DYM: variants seen among roughly 807,000 people sequenced by gnomAD.
DYM encodes dymeclin.
Under a neutral mutation model 93.1 loss-of-function variants are expected in DYM, and 78 were observed. The ratio of observed to expected loss-of-function variants is 0.84; its 90% CI spans 0.70 to 1.01. The LOEUF (loss-of-function observed/expected upper bound fraction) is 1.01. DYM is among the 50% of genes least tolerant of loss of function. DYM has a pLI of 0.00. For missense variants in DYM, 789 were observed against 845.0 expected (o/e 0.93, Z 0.82); for synonymous variants, 321 against 319.7 (o/e 1.00, Z -0.04).
At chr18:49,314,456 G>A (rs987535254) in intron 8 of DYM, among the ~76,000 whole-genome samples, 1 of 152,174 alleles carries the variant, frequency 6.6e-6, no homozygotes, top group Admixed American at 6.5e-5. Flanking sequence ...TGGTACACAC[G>A]TGCGAATTCC....
At chr18:49,116,938 A>G (rs1382199723) in intron 16 of DYM, among the ~76,000 whole-genome samples, 1 of 152,236 alleles carries the variant, frequency 6.6e-6, no homozygotes, top group Non-Finnish European at 1.5e-5. Flanking sequence ...ATTAAAACTC[A>G]GAGTTAACAA....
At chr18:49,175,865 A>G (rs926987980) in intron 14 of DYM, among the ~76,000 whole-genome samples, 1 of 152,202 alleles carries the variant, frequency 6.6e-6, no homozygotes, top group African/African-American at 2.4e-5. Context: ...TATATGTGTG[A>G]TATTTAGTGA....
chr18:49,245,739 T>C (rs1172577205), intron 13 of DYM, among the ~76,000 whole-genome samples: 1 of 152,242 alleles, frequency 6.6e-6, no homozygotes, highest in Non-Finnish European at 1.5e-5. Flanking sequence ...ATGTGATCTT[T>C]GTGACTTACT....
intron 2 of DYM, among the ~76,000 whole-genome samples, chr18:49,397,430 A>G (rs576292136): frequency 2.5e-4 from 38 of 152,364 alleles, no homozygotes; most frequent in African/African-American, 9.1e-4. Context: ...AGGAGTTTAA[A>G]GTAAAATTCC....
intron 17 of DYM, among the ~76,000 whole-genome samples, chr18:49,060,064 A>T (rs2075825461): frequency 6.6e-6 from 1 of 152,220 alleles, no homozygotes. Flanking sequence ...CTTAACATTT[A>T]CTTGGAGAGC....
intron 2 of DYM, among the ~76,000 whole-genome samples, chr18:49,427,759 A>G (rs1364300964): frequency 2.6e-5 from 4 of 152,222 alleles, no homozygotes; most frequent in African/African-American, 9.6e-5. Flanking sequence ...AATGCAGTAT[A>G]TCCATACAAT....
rs915978312 is a variant in DYM at position 49,128,140 on chromosome 18, G to T, written c.1729-9214C>A. ...TTTCCACATCCGGAGAAGAGCCAGA[G>T]AACTCATACAAAGAGTGTTCTGATT... On this transcript the variant is annotated intron_variant, in intron 15 of 17. Transcript: ENST00000675505. 2.6e-5 allele frequency among the ~76,000 whole-genome samples: 4 copies of T among 152,344 alleles called. 1 individual carries two copies. The highest frequency in any genetic ancestry group is 1.3e-4 in the Admixed American group (2 of 15,302).
chr18:49,250,426 CAT>C (rs2094259962), intron 13 of DYM, among the ~76,000 whole-genome samples: 1 of 152,226 alleles, frequency 6.6e-6, no homozygotes, highest in Admixed American at 6.5e-5. Context: ...GATCTTCTAA[CAT>C]GTAGCTTTCT....
At chr18:49,333,884 A>AC in intron 6 of DYM, 31 bp from the exon 7 acceptor site, 1 of 1,588,098 alleles carries the variant, frequency 6.3e-7, no homozygotes, top group Non-Finnish European at 8.6e-7. Context: ...AGTAACAGTC[A>AC]CTTTGGAAGA....
chr18:49,131,920 A>G (rs748108890), intron 15 of DYM, among the ~76,000 whole-genome samples: 2 of 152,164 alleles, frequency 1.3e-5, no homozygotes, highest in African/African-American at 2.4e-5. Context: ...TCTGCCGTAT[A>G]ATTGGATGGG....
chr18:49,258,133 A>C (rs1186677123), intron 12 of DYM, among the ~76,000 whole-genome samples: 1 of 152,224 alleles, frequency 6.6e-6, no homozygotes, highest in Non-Finnish European at 1.5e-5. Flanking sequence ...GACATACAAT[A>C]GCTTTTATCT....
chr18:49,315,413 T>C (rs1049112004), intron 8 of DYM, among the ~76,000 whole-genome samples: 1 of 152,198 alleles, frequency 6.6e-6, no homozygotes, highest in Non-Finnish European at 1.5e-5. Flanking sequence ...GAAAATGTAA[T>C]ATATTTCTTA....
At position 49,097,874 on chromosome 18, in the gene DYM, GCTCTCTCTCTCTCTCTCTCTCTCT is replaced by G. The variant is rs61301668; in HGVS notation, c.1912-383_1912-360del. On this transcript the variant is annotated intron_variant, in intron 16 of 17. Transcript: ENST00000675505. The stretch of plus-strand genomic sequence containing the variant: ...CTATCACTTTTGAAGCTTAATATTA[GCTCTCTCTCTCTCTCTCTCTCTCT>G]CTCTCTCTCTCTCTCAAAAGGGCTT... Among the ~76,000 whole-genome samples, 46 of 141,290 alleles carry G rather than the reference GCTCTCTCTCTCTCTCTCTCTCTCT, an allele frequency of 3.3e-4. No homozygotes were observed. The East Asian group carries it at 9.1e-3, about 28-fold the overall frequency. 92.7% of individuals were successfully genotyped at this position (141,290 alleles called of 152,430 possible).
intron 8 of DYM, among the ~76,000 whole-genome samples, chr18:49,331,291 T>C (rs1215865044): frequency 6.6e-6 from 1 of 152,240 alleles, no homozygotes; most frequent in East Asian, 1.9e-4. Flanking sequence ...GTCTGAATAC[T>C]GTGAAGTGAA....
chr18:49,078,163 TCAACTTACAGATAATAATA>T (rs2077469359), intron 17 of DYM, among the ~76,000 whole-genome samples: 1 of 152,136 alleles, frequency 6.6e-6, no homozygotes, highest in African/African-American at 2.4e-5. Flanking sequence ...CTTTTCTCAG[TCAACTTACAGATAATAATA>T]TATTACTTAG....
intron 11 of DYM, among the ~76,000 whole-genome samples, chr18:49,269,901 A>T (rs895351431): frequency 6.6e-6 from 1 of 152,210 alleles, no homozygotes; most frequent in African/African-American, 2.4e-5. Flanking sequence ...TCATTGATTC[A>T]GTCAGTGCCA....
At chr18:49,154,291 G>C (rs886971745) in intron 15 of DYM, among the ~76,000 whole-genome samples, 1 of 152,098 alleles carries the variant, frequency 6.6e-6, no homozygotes, top group Non-Finnish European at 1.5e-5. Flanking sequence ...TGTTATTAAA[G>C]TTAACAGTAA....
intron 17 of DYM, among the ~76,000 whole-genome samples, chr18:49,054,924 C>T (rs1035765644): frequency 9.2e-5 from 14 of 152,242 alleles, no homozygotes; most frequent in African/African-American, 2.7e-4. Flanking sequence ...CACAAACCAT[C>T]GTATCATTGG....
chr18:49,209,838 A>T, intron 13 of DYM, 123 bp from the exon 14 acceptor site: 1 of 545,988 alleles, frequency 1.8e-6, no homozygotes, highest in Non-Finnish European at 2.5e-6. Flanking sequence ...CAAGAAAAAA[A>T]AAAACTGTCA....
Sources: gnomAD v4.1 joint callset for allele counts (sites outside exome capture counted in the v4.1 genomes callset) on GRCh38, gnomAD v4.1.1 for gene constraint, MANE v1.5 for transcripts, NCBI Gene and HGNC (gene_info 2026-07-23, HGNC 2026-07-21) for gene names.